Variants in MASP1 observed in about 807,000 individuals in gnomAD.
MASP1 encodes MBL associated serine protease 1.
MASP1 carries 59 observed loss-of-function variants against 77.1 expected under a neutral mutation model. The observed-to-expected ratio is 0.77, with a 90% CI of 0.62 to 0.95. The LOEUF is 0.95. MASP1 is among the 40% of genes least tolerant of loss of function. The pLI, the probability that MASP1 is intolerant of heterozygous loss-of-function variation, is 0.00. For synonymous variants in MASP1, 362 were observed against 354.5 expected, an observed-to-expected ratio of 1.02 and a Z score of -0.24; for missense variants, 885 against 912.9, an observed-to-expected ratio of 0.97 and a Z score of 0.39.
intron 10 of MASP1, among the ~76,000 whole-genome samples, chr3:187,240,734 C>T (rs1019403555): frequency 6.6e-6 from 1 of 152,158 alleles, no homozygotes; most frequent in Admixed American, 6.5e-5. Flanking sequence ...TGGGTTCAAG[C>T]AATTCTCCTC....
chr3:187,230,037 G>A (rs1579468601), downstream of MASP1: 1 of 918,400 alleles, frequency 1.1e-6, no homozygotes, highest in East Asian at 2.6e-5. Flanking sequence ...CCTGATAATA[G>A]CATCCCAGTC....
intron 1 of MASP1, among the ~76,000 whole-genome samples, chr3:187,290,526 A>C (rs1008156028): frequency 1.2e-4 from 19 of 152,128 alleles, no homozygotes; most frequent in Middle Eastern, 3.2e-3. Context: ...GGCAGGTTTA[A>C]AATTACTATG....
intron 2 of MASP1, among the ~76,000 whole-genome samples, chr3:187,278,422 C>G (rs1717136947): frequency 6.6e-6 from 1 of 152,210 alleles, no homozygotes; most frequent in African/African-American, 2.4e-5. Context: ...GGAGCTTCAC[C>G]AAGGTTCCTC....
At chr3:187,249,894 C>G (rs1714416095) in intron 8 of MASP1, among the ~76,000 whole-genome samples, 1 of 152,184 alleles carries the variant, frequency 6.6e-6, no homozygotes, top group Non-Finnish European at 1.5e-5. Context: ...CAAGGTCACT[C>G]AGCTCTGGGC....
chr3:187,225,222 A>G (rs1250773273), intron 13 of MASP1: 1 of 1,333,756 alleles, frequency 7.5e-7, no homozygotes, highest in African/African-American at 1.4e-5. Context: ...TCAAGCAGAC[A>G]CTGTCAGCTG....
chr3:187,234,560 C>A lies in MASP1; in HGVS notation c.*1124G>T. 1 of 1,287,232 alleles carries A rather than the reference C, an allele frequency of 7.8e-7. No homozygotes were observed. The highest frequency in any genetic ancestry group is 1.0e-6 in the Non-Finnish European group (1 of 988,706). 79.7% of individuals were successfully genotyped at this position (1,287,232 alleles called of 1,614,324 possible). On this transcript the variant is annotated 3_prime_UTR_variant, in exon 11 of 11. Transcript: ENST00000296280. ...GACTCCTGGCTCTTTTCACTGCCTGCCATGGGTGAGCCTCTGATTCCTTTG... is the reference window on the plus strand; with the variant it reads ...GACTCCTGGCTCTTTTCACTGCCTGACATGGGTGAGCCTCTGATTCCTTTG...
At chr3:187,287,142 G>T (rs895009970) in intron 1 of MASP1, among the ~76,000 whole-genome samples, 4 of 152,204 alleles carry the variant, frequency 2.6e-5, no homozygotes, top group Non-Finnish European at 4.4e-5. Flanking sequence ...CTCAAACACA[G>T]ATAGGACCAC....
exon 15 of MASP1, chr3:187,221,052 C>T: frequency 6.2e-7 from 1 of 1,614,134 alleles, no homozygotes; most frequent in South Asian, 1.1e-5. Context: ...CTCCCCAGCA[C>T]AGATCATGTC....
intron 1 of MASP1, 66 bp downstream of exon 1, chr3:187,291,562 A>G: frequency 6.2e-7 from 1 of 1,603,602 alleles, no homozygotes; most frequent in South Asian, 1.1e-5. Flanking sequence ...ACAAGGTCAG[A>G]CCTTCCCTGC....
At chr3:187,279,251 T>C (rs1717216289) in intron 2 of MASP1, among the ~76,000 whole-genome samples, 1 of 152,182 alleles carries the variant, frequency 6.6e-6, no homozygotes, top group Non-Finnish European at 1.5e-5. Context: ...AAATCAGCAA[T>C]GGTGCCATTA....
intron 2 of MASP1, among the ~76,000 whole-genome samples, chr3:187,274,693 A>G (rs936914723): frequency 2.0e-5 from 3 of 152,182 alleles, no homozygotes; most frequent in African/African-American, 4.8e-5. Flanking sequence ...TATTGTGTAC[A>G]TGCAAATGCT....
intron 7 of MASP1, 141 bp downstream of exon 7, chr3:187,251,493 C>A: frequency 1.4e-6 from 1 of 738,494 alleles, no homozygotes. Context: ...ATTTCTGGAG[C>A]ATTTGAGAAG....
rs1715516480 is a variant in MASP1, at chr3:187,260,853, C to G, written c.435G>C (p.Glu145Asp). 1.2e-6 allele frequency: 2 copies of G among 1,614,026 alleles called. No individual in the cohort carries two copies. The highest frequency in any genetic ancestry group is 1.7e-5 in the Admixed American group (1 of 60,004). ...CACAGGACAGCTCCTCGTCCTCCCT[C>G]TCCTTGCACTCGTCCACATCTGTAG... is the stretch of plus-strand genomic sequence containing the variant. ...YMAVDVDECK[E>D]REDEELSCDH... The change falls in exon 4 of 11, where the codon GAG becomes GAC. Residue 145 changes from glutamate (E) to aspartate (D), a missense_variant. Glu to Asp is a conservative substitution (Grantham distance 45). Transcript: ENST00000296280.
chr3:187,262,510 G>A (rs1715674550), intron 3 of MASP1, 33 bp downstream of exon 3: 1 of 1,610,588 alleles, frequency 6.2e-7, no homozygotes, highest in South Asian at 1.1e-5. Flanking sequence ...GAGAGAGAGA[G>A]AGACCTGAGG....
intron 5 of MASP1, among the ~76,000 whole-genome samples, chr3:187,255,604 C>A (rs1715005251): frequency 1.3e-5 from 2 of 152,212 alleles, no homozygotes; most frequent in African/African-American, 4.8e-5. Context: ...GTGGCCTATG[C>A]TTCCTGCTAA....
chr3:187,252,763 A>G (rs544085915), intron 6 of MASP1, among the ~76,000 whole-genome samples: 1 of 152,238 alleles, frequency 6.6e-6, no homozygotes, highest in African/African-American at 2.4e-5. Context: ...GAGGCAAAGC[A>G]CCATAATGAA....
At position 187,222,547 on chromosome 3, in the gene MASP1, C is replaced by T. The variant is rs571028300; in HGVS notation, c.1809+580G>A. On this transcript the variant is annotated intron_variant, in intron 14 of 15. Transcript: ENST00000337774. ...GCCAAGCAACTCTTTGATGGCAGCT[C>T]GTGTTGCCCCATAACTCTGCAGTTG... Among the ~76,000 whole-genome samples, 7 of 152,266 alleles carry T rather than the reference C, an allele frequency of 4.6e-5. No individual in the cohort carries two copies. The South Asian group carries it at 6.2e-4, about 14-fold the overall frequency.
chr3:187,260,609 G>A, intron 4 of MASP1, 132 bp downstream of exon 4: 1 of 1,223,762 alleles, frequency 8.2e-7, no homozygotes, highest in Non-Finnish European at 1.2e-6. Context: ...TCATCCATGT[G>A]GTGTCTGAGG....
At chr3:187,260,144 C>T (rs980408140) in intron 4 of MASP1, among the ~76,000 whole-genome samples, 1 of 152,162 alleles carries the variant, frequency 6.6e-6, no homozygotes, top group African/African-American at 2.4e-5. Context: ...CCCCACTAGC[C>T]CAAGAGCTCC....
Sources: allele counts gnomAD v4.1 joint callset (sites outside exome capture counted in the v4.1 genomes callset), GRCh38; gene constraint gnomAD v4.1.1; transcripts MANE v1.5; gene names NCBI Gene and HGNC (gene_info 2026-07-23, HGNC 2026-07-21).